The following RIC3 variants were observed in gnomAD, a reference collection of about 807,000 sequenced individuals.
RIC3 encodes RIC3 acetylcholine receptor chaperone, also known as protein RIC-3.
Under a neutral mutation model 27.3 loss-of-function variants are expected in RIC3, and 28 were observed. That is an observed-to-expected ratio of 1.02 (90% CI 0.76 to 1.41). The LOEUF (loss-of-function observed/expected upper bound fraction) is 1.41. Among genes scored for constraint, RIC3 ranks in the 40% most tolerant of loss-of-function variants. RIC3 has a pLI of 0.00. For missense variants in RIC3, 501 were observed against 444.7 expected (o/e 1.13, Z -1.14); for synonymous variants, 184 against 160.4 (o/e 1.15, Z -1.11).
intron 1 of RIC3, among the ~76,000 whole-genome samples, chr11:8,151,352 C>G (rs1950201508): frequency 6.6e-6 from 1 of 151,890 alleles, no homozygotes; most frequent in Non-Finnish European, 1.5e-5. Context: ...CTTTGGGAGG[C>G]CGAGACGGGC....
chr11:8,093,946 G>A, the RIC3 span: 1 of 1,420,212 alleles, frequency 7.0e-7, no homozygotes, highest in Non-Finnish European at 9.9e-7. Context: ...GACTCGGGGT[G>A]CAGTCAAAAA....
intron 1 of RIC3, among the ~76,000 whole-genome samples, chr11:8,165,009 A>G (rs1019459633): frequency 6.6e-6 from 1 of 152,192 alleles, no homozygotes; most frequent in African/African-American, 2.4e-5. Flanking sequence ...ACAGATAACA[A>G]ACAAGTATTG....
At chr11:8,140,256 A>C in intron 1 of RIC3, 63 bp from the exon 2 acceptor site, 6 of 1,440,292 alleles carry the variant, frequency 4.2e-6, no homozygotes, top group Non-Finnish European at 5.6e-6. Flanking sequence ...TCATGAAAAC[A>C]CCAAATCATT....
chr11:8,141,360 A>G (rs1322109434), intron 1 of RIC3, among the ~76,000 whole-genome samples: 3 of 152,220 alleles, frequency 2.0e-5, no homozygotes, highest in East Asian at 3.8e-4. Flanking sequence ...GGAAAATAAA[A>G]AAAGGCAGGG....
At chr11:8,096,013 A>G in the RIC3 span, among the ~76,000 whole-genome samples, 1 of 152,216 alleles carries the variant, frequency 6.6e-6, no homozygotes, top group Non-Finnish European at 1.5e-5. Flanking sequence ...TTCCCACCAC[A>G]AGCCCTGCCC....
At chr11:8,148,089 T>C (rs1448716839) in intron 1 of RIC3, among the ~76,000 whole-genome samples, 1 of 152,200 alleles carries the variant, frequency 6.6e-6, no homozygotes, top group Non-Finnish European at 1.5e-5. Context: ...AGAAGGTAGG[T>C]GGGCAGGTAG....
intron 4 of RIC3, among the ~76,000 whole-genome samples, chr11:8,136,942 T>C (rs1030861706): frequency 6.6e-6 from 1 of 152,218 alleles, no homozygotes; most frequent in African/African-American, 2.4e-5. Context: ...GTAAATGACA[T>C]ATTTACAATT....
the RIC3 span, chr11:8,101,004 G>T: frequency 6.2e-7 from 1 of 1,614,092 alleles, no homozygotes. Flanking sequence ...GACCGTGAGT[G>T]TTTCTGTCCC....
chr11:8,121,425 A>T (rs1946433272), intron 5 of RIC3, among the ~76,000 whole-genome samples: 1 of 152,102 alleles, frequency 6.6e-6, no homozygotes, highest in South Asian at 2.1e-4. Flanking sequence ...TTAATATATT[A>T]AATATATCCA....
intron 1 of RIC3, among the ~76,000 whole-genome samples, chr11:8,147,009 C>T (rs1949752838): frequency 6.6e-6 from 1 of 152,124 alleles, no homozygotes; most frequent in South Asian, 2.1e-4. Flanking sequence ...AATCTGCCTC[C>T]CATTTTTATT....
chr11:8,165,470 C>G (rs1168636486), intron 1 of RIC3, among the ~76,000 whole-genome samples: 2 of 152,124 alleles, frequency 1.3e-5, no homozygotes, highest in Non-Finnish European at 2.9e-5. Flanking sequence ...TACCAAATGT[C>G]CAGAACAGGC....
In RIC3 at chr11:8,110,332, C is replaced by A; in HGVS notation, c.*366G>T. 1 of 364,604 alleles carries A rather than the reference C, an allele frequency of 2.7e-6. No homozygotes were observed. 22.6% of individuals were successfully genotyped at this position (364,604 alleles called of 1,614,324 possible). A position where few individuals can be genotyped will look rare whatever the true frequency, so the allele number is the denominator to read the frequency against. On this transcript the variant is annotated 3_prime_UTR_variant, in exon 6 of 6. Transcript: ENST00000309737. ...ACCTTAAGTCCTCATCATCTGTAAG[C>A]TGATGTTCGTTCACAGGTGAACTAT...
intron 5 of RIC3, among the ~76,000 whole-genome samples, chr11:8,119,942 A>C (rs1339371538): frequency 1.3e-5 from 2 of 152,230 alleles, no homozygotes; most frequent in African/African-American, 4.8e-5. Flanking sequence ...ATATGAAAAA[A>C]TGCTCATCAC....
rs974913620 is a variant in RIC3 at position 8,106,654 on chromosome 11, C to T, written c.*4044G>A. ...GTCTCAGGGCTTGCTTGGACCCTAA[C>T]CCATTTAAACAGGACCTCGAGATGC... On this transcript the variant is annotated 3_prime_UTR_variant, in exon 6 of 6. Coordinates refer to ENST00000309737, the MANE Select transcript of RIC3 (RefSeq NM_001206671.4). 2 of 148,910 alleles carry T rather than the reference C, an allele frequency of 1.3e-5. No homozygotes were observed. The highest frequency in any genetic ancestry group is 3.0e-5 in the Non-Finnish European group (2 of 67,548). The allele number at this position is 148,910 out of a possible 1,614,324, so 9.2% of individuals were successfully genotyped here. A position where few individuals can be genotyped will look rare whatever the true frequency, so the allele number is the denominator to read the frequency against.
At chr11:8,120,883 T>G (rs868628149) in intron 5 of RIC3, among the ~76,000 whole-genome samples, 3 of 152,084 alleles carry the variant, frequency 2.0e-5, no homozygotes, top group Admixed American at 6.5e-5. Flanking sequence ...TTAGGGAAAA[T>G]GGCATAATCA....
At chr11:8,168,834 G>A in intron 1 of RIC3, 32 bp downstream of exon 1, 1 of 1,599,168 alleles carries the variant, frequency 6.3e-7, no homozygotes, top group Non-Finnish European at 8.5e-7. Flanking sequence ...CTTCGGCGCC[G>A]GGAAGCTCAG....
intron 5 of RIC3, among the ~76,000 whole-genome samples, chr11:8,119,108 A>G (rs1946182843): frequency 6.6e-6 from 1 of 152,208 alleles, no homozygotes; most frequent in Non-Finnish European, 1.5e-5. Flanking sequence ...AATCAAAGAG[A>G]TTATAAAAGA....
intron 5 of RIC3, among the ~76,000 whole-genome samples, chr11:8,117,585 G>T (rs4384376): frequency 2.0e-5 from 3 of 149,340 alleles, no homozygotes. Context: ...TAAAATTTCA[G>T]CTGGATAGGA....
intron 5 of RIC3, among the ~76,000 whole-genome samples, chr11:8,112,689 A>G (rs1007778883): frequency 6.6e-6 from 1 of 152,230 alleles, no homozygotes; most frequent in East Asian, 1.9e-4. Context: ...ACATTATATC[A>G]TGAGCATCTC....
Sources: gnomAD v4.1 joint callset for allele counts (sites outside exome capture counted in the v4.1 genomes callset) on GRCh38, gnomAD v4.1.1 for gene constraint, MANE v1.5 for transcripts, NCBI Gene and HGNC (gene_info 2026-07-23, HGNC 2026-07-21) for gene names.